The following LRP1B variants were observed in gnomAD, a reference collection of about 807,000 sequenced individuals.
The protein encoded by LRP1B is low-density lipoprotein receptor-related protein 1B.
A neutral mutation model predicts 556.6 loss-of-function variants in LRP1B; 217 were observed. That is an observed-to-expected ratio of 0.39 (90% CI 0.35 to 0.44). The LOEUF is 0.44. LRP1B is among the 20% of genes least tolerant of loss of function. The probability of loss-of-function intolerance (pLI) is 1.00; values close to 1 mark genes in which losing one functional copy is unlikely to be tolerated. For synonymous variants in LRP1B, 2,047 were observed against 1,865.8 expected (o/e 1.10, Z -2.50); for missense variants, 5,053 against 5,620.8 (o/e 0.90, Z 3.23).
At chr2:140,729,933 G>C (rs1687720196) in intron 35 of LRP1B, among the ~76,000 whole-genome samples, 1 of 152,084 alleles carries the variant, frequency 6.6e-6, no homozygotes, top group Non-Finnish European at 1.5e-5. Context: ...GAACCTATCA[G>C]AGCTGCCCTC....
At chr2:141,718,168 AG>A (rs1273624946) in intron 2 of LRP1B, among the ~76,000 whole-genome samples, 2 of 152,208 alleles carry the variant, frequency 1.3e-5, no homozygotes, top group Non-Finnish European at 2.9e-5. Context: ...GGAGCTTTTC[AG>A]GGTGAAAGCA....
Position 140,442,508 on chromosome 2 carries a change from G to T in LRP1B, c.10410C>A (p.Asn3470Lys). 3 of 1,611,940 alleles carry T rather than the reference G, an allele frequency of 1.9e-6. No individual in the cohort carries two copies. Among genetic ancestry groups the T allele is most frequent in the Non-Finnish European group, 2.5e-6 (3 of 1,179,106 alleles). Residue 3470 changes from asparagine to lysine, a missense_variant, in exon 66 of 91, where the codon AAC becomes AAA. Coordinates refer to ENST00000389484, the MANE Select transcript of LRP1B (RefSeq NM_018557.3). The part of the protein sequence containing the change: ...PDCADASDEA[N>K]CDKKTCGPHE... ...CCCAGAGTCACAGACACTCACCGCA[G>T]TTGGCCTCGTCTGATGCATCTGCAC... is the stretch of plus-strand genomic sequence containing the variant.
intron 5 of LRP1B, among the ~76,000 whole-genome samples, chr2:141,241,272 C>G (rs998166932): frequency 1.3e-5 from 2 of 152,050 alleles, no homozygotes; most frequent in African/African-American, 4.8e-5. Context: ...GGCCAGGCTA[C>G]CGGTCCGGGA....
At position 140,455,628 on chromosome 2, in the gene LRP1B, A is replaced by T. The variant is rs1038383685; in HGVS notation, c.9963+827T>A. On this transcript the variant is annotated intron_variant, in intron 62 of 90. Coordinates refer to ENST00000389484, the MANE Select transcript of LRP1B (RefSeq NM_018557.3). ...TATTTATGCAGTTCTTTCATGTATG[A>T]TACTCCTAAATCTAATCTGAAAGGC... Among the ~76,000 whole-genome samples the T allele has an allele frequency of 3.9e-5, 6 of 152,296 alleles. No individual in the cohort carries two copies. The East Asian group carries it at 1.2e-3, about 29-fold the overall frequency.
chr2:142,032,349 T>C (rs1206534657), intron 1 of LRP1B, among the ~76,000 whole-genome samples: 2 of 151,866 alleles, frequency 1.3e-5, no homozygotes, highest in Non-Finnish European at 2.9e-5. Context: ...TCCCTGCCTG[T>C]TATATAATTC....
chr2:140,922,918 C>A (rs1479742085), intron 21 of LRP1B, 47 bp downstream of exon 21: 3 of 1,540,912 alleles, frequency 1.9e-6, no homozygotes, highest in Non-Finnish European at 2.7e-6. Context: ...CAAAAGGACT[C>A]CACACTCAGG....
intron 1 of LRP1B, among the ~76,000 whole-genome samples, chr2:141,957,797 A>G (rs1325859406): frequency 1.3e-5 from 2 of 152,090 alleles, no homozygotes; most frequent in African/African-American, 4.8e-5. Context: ...TGGTGTGACA[A>G]AAGAGATAAG....
intron 3 of LRP1B, among the ~76,000 whole-genome samples, chr2:141,391,225 G>T (rs2104905720): frequency 6.6e-6 from 1 of 152,280 alleles, no homozygotes; most frequent in Non-Finnish European, 1.5e-5. Flanking sequence ...TATGATTTTA[G>T]TGACTGTCTT....
chr2:140,396,613 T>C (rs1346524507), intron 66 of LRP1B, among the ~76,000 whole-genome samples: 1 of 152,190 alleles, frequency 6.6e-6, no homozygotes, highest in Non-Finnish European at 1.5e-5. Context: ...CAGCATGAAG[T>C]TAATATCTGG....
In LRP1B at chr2:141,348,722, T is replaced by C. The variant is rs148164979; in HGVS notation, c.344-94081A>G. Among the ~76,000 whole-genome samples the C allele has an allele frequency of 3.3e-4, 50 of 152,074 alleles. 1 individual carries two copies. In the East Asian group the frequency reaches 9.5e-3, roughly 29 times the overall value. ...TAGTGGTAATCCATGAAGATTTTGCTAGTCAGCATGTTCAAATAACCTGTT... is the reference window on the plus strand; with the variant it reads ...TAGTGGTAATCCATGAAGATTTTGCCAGTCAGCATGTTCAAATAACCTGTT... On this transcript the variant is annotated intron_variant, in intron 3 of 90. Transcript: ENST00000389484.
intron 3 of LRP1B, among the ~76,000 whole-genome samples, chr2:141,257,592 CT>C (rs1256591206): frequency 6.6e-6 from 1 of 152,090 alleles, no homozygotes; most frequent in Non-Finnish European, 1.5e-5. Context: ...AAACATGGTT[CT>C]GAGTGTTAGG....
chr2:141,339,132 C>T (rs1278609214), intron 3 of LRP1B, among the ~76,000 whole-genome samples: 1 of 152,028 alleles, frequency 6.6e-6, no homozygotes, highest in Non-Finnish European at 1.5e-5. Flanking sequence ...CAGGCTAAGA[C>T]TTAACATGCT....
At chr2:142,126,226 G>A (rs1333303512) in intron 1 of LRP1B, among the ~76,000 whole-genome samples, 1 of 151,494 alleles carries the variant, frequency 6.6e-6, no homozygotes, top group Admixed American at 6.6e-5. Context: ...AATATTATAT[G>A]CTATGAGTCA....
chr2:140,890,358 T>C (rs1286977009), intron 23 of LRP1B, among the ~76,000 whole-genome samples: 9 of 152,206 alleles, frequency 5.9e-5, no homozygotes, highest in Admixed American at 5.9e-4. Flanking sequence ...ATATTGGCTG[T>C]TGAATACATT....
chr2:142,130,521 G>A (rs149271074), intron 1 of LRP1B, 127 bp downstream of exon 1: 1 of 753,916 alleles, frequency 1.3e-6, no homozygotes, highest in Non-Finnish European at 2.2e-6. Context: ...GCCAGCGCAC[G>A]GTGGTCACCC....
intron 5 of LRP1B, 53 bp downstream of exon 5, chr2:141,247,173 A>G (rs2105326714): frequency 6.2e-7 from 1 of 1,604,350 alleles, no homozygotes; most frequent in Non-Finnish European, 8.5e-7. Flanking sequence ...AAAGAATTGT[A>G]AAAAGGAAAC....
intron 1 of LRP1B, among the ~76,000 whole-genome samples, chr2:141,933,091 T>G (rs1700546952): frequency 6.6e-6 from 1 of 152,122 alleles, no homozygotes; most frequent in African/African-American, 2.4e-5. Context: ...TAGGAATATA[T>G]TTAATCAATA....
At chr2:140,445,369 G>A (rs911535535) in intron 63 of LRP1B, among the ~76,000 whole-genome samples, 3 of 151,850 alleles carry the variant, frequency 2.0e-5, no homozygotes, top group African/African-American at 4.8e-5. Flanking sequence ...TGCCCCCCTC[G>A]GGCACCAAGT....
intron 2 of LRP1B, among the ~76,000 whole-genome samples, chr2:141,560,086 C>G (rs1056514661): frequency 6.6e-6 from 1 of 151,508 alleles, no homozygotes; most frequent in African/African-American, 2.4e-5. Context: ...ACTCTTTTGA[C>G]CCCTGAGACA....
Sources: allele counts gnomAD v4.1 joint callset (sites outside exome capture counted in the v4.1 genomes callset), GRCh38; gene constraint gnomAD v4.1.1; transcripts MANE v1.5; gene names NCBI Gene and HGNC (gene_info 2026-07-23, HGNC 2026-07-21).